The following NUCKS1 variants were observed in gnomAD, a reference collection of about 807,000 sequenced individuals.
NUCKS1 encodes the protein nuclear casein kinase and cyclin dependent kinase substrate 1.
NUCKS1 carries 2 observed loss-of-function variants against 33.0 expected under a neutral mutation model. The observed-to-expected ratio is 0.06, with a 90% CI of 0.02 to 0.19. NUCKS1 has a LOEUF of 0.19. Among genes scored for constraint, NUCKS1 ranks in the 10% least tolerant of loss-of-function variants. The pLI, the probability that NUCKS1 is intolerant of heterozygous loss-of-function variation, is 1.00. For synonymous variants in NUCKS1, 106 were observed against 102.8 expected (o/e 1.03, Z -0.19); for missense variants, 201 against 293.6 (o/e 0.68, Z 2.31).
At chr1:205,735,479 C>T (rs1373638437) in intron 1 of NUCKS1, among the ~76,000 whole-genome samples, 2 of 152,210 alleles carry the variant, frequency 1.3e-5, no homozygotes, top group African/African-American at 4.8e-5. Flanking sequence ...CAAAGCTAAA[C>T]TAACTCTTCA....
At chr1:205,730,354 AT>A (rs965323880) in intron 1 of NUCKS1, among the ~76,000 whole-genome samples, 4 of 151,316 alleles carry the variant, frequency 2.6e-5, no homozygotes, top group African/African-American at 9.7e-5. Context: ...GCCAAAAATT[AT>A]TTTTTAAAGG....
At chr1:205,733,820 T>A (rs2102440553) in intron 1 of NUCKS1, among the ~76,000 whole-genome samples, 1 of 152,196 alleles carries the variant, frequency 6.6e-6, no homozygotes, top group Non-Finnish European at 1.5e-5. Flanking sequence ...CCTGTATATC[T>A]ATCTGTATCT....
intron 1 of NUCKS1, among the ~76,000 whole-genome samples, chr1:205,746,453 TCACACA>T (rs1216661558): frequency 6.4e-5 from 8 of 124,572 alleles, no homozygotes; most frequent in African/African-American, 2.5e-4. Flanking sequence ...TCTCTCTCTC[TCACACA>T]CACACACACA....
At chr1:205,737,796 T>C (rs181162912) in intron 1 of NUCKS1, among the ~76,000 whole-genome samples, 2 of 152,370 alleles carry the variant, frequency 1.3e-5, no homozygotes, top group African/African-American at 4.8e-5. Flanking sequence ...TTTAAAAGTA[T>C]ACATTTGTCT....
chr1:205,733,867 C>T (rs1209546828), intron 1 of NUCKS1, among the ~76,000 whole-genome samples: 5 of 151,896 alleles, frequency 3.3e-5, no homozygotes, highest in African/African-American at 7.3e-5. Flanking sequence ...TCCATCTGTC[C>T]GTCCACCCAT....
In NUCKS1 at chr1:205,716,609, T is replaced by TA. The variant is rs888185829; in HGVS notation, c.*1670dup. 4.3e-4 allele frequency: 65 copies of TA among 152,118 alleles called. No homozygotes were observed. The highest frequency in any genetic ancestry group is 1.4e-3 in the African/African-American group (60 of 41,436). 9.4% of individuals were successfully genotyped at this position (152,118 alleles called of 1,614,324 possible). A position where few individuals can be genotyped will look rare whatever the true frequency, so the allele number is the denominator to read the frequency against. On this transcript the variant is annotated 3_prime_UTR_variant, in exon 7 of 7. Transcript: ENST00000367142. ...AATGACTCTGCCACTGTGTGTTTTT[T>TA]AAAAAAAGATCAGAGTAAGCATGTT... is the stretch of plus-strand genomic sequence containing the variant.
intron 3 of NUCKS1, 120 bp from the exon 4 acceptor site, chr1:205,724,101 C>T: frequency 2.5e-6 from 2 of 791,848 alleles, no homozygotes; most frequent in South Asian, 2.7e-5. Context: ...ATAAAATCTT[C>T]AAACAAATGC....
intron 1 of NUCKS1, among the ~76,000 whole-genome samples, chr1:205,748,132 T>A (rs1471655256): frequency 6.6e-6 from 1 of 152,132 alleles, no homozygotes; most frequent in Non-Finnish European, 1.5e-5. Flanking sequence ...AAAAAACTGA[T>A]AGAATGTGCT....
Position 205,727,750 on chromosome 1 carries a change from G to A in NUCKS1, c.123C>T (p.Pro41=). Residue 41 remains proline (P), a synonymous_variant, in exon 3 of 7, where the codon CCC becomes CCT. Transcript: ENST00000367142. ...GPPTKKIRSS[P]REAKNKRRSG... The stretch of plus-strand genomic sequence containing the variant: ...ATCGCCTCTTATTTTTAGCTTCTCG[G>A]GGAGATGATCGAATTTTCTTAGTGG... 1 of 1,613,452 alleles carries A rather than the reference G, an allele frequency of 6.2e-7. No homozygotes were observed. The highest frequency in any genetic ancestry group is 1.1e-5 in the South Asian group (1 of 91,050).
rs1266859381 is a variant in NUCKS1 at position 205,714,488 on chromosome 1, T to C, written c.*3792A>G. 2.0e-5 allele frequency: 3 copies of C among 151,622 alleles called. No individual in the cohort carries two copies. Among genetic ancestry groups the C allele is most frequent in the Non-Finnish European group, 4.4e-5 (3 of 67,732 alleles). The allele number at this position is 151,622 out of a possible 1,614,324, so 9.4% of individuals were successfully genotyped here. On this transcript the variant is annotated 3_prime_UTR_variant, in exon 7 of 7. Coordinates refer to ENST00000367142, the MANE Select transcript of NUCKS1 (RefSeq NM_022731.5). ...TACACAGTCAGCACCACTGTGAATTTTGTGAATTTGAAAAAAAAAAGTGTA... is the reference window on the plus strand; with the variant it reads ...TACACAGTCAGCACCACTGTGAATTCTGTGAATTTGAAAAAAAAAAGTGTA...
chr1:205,746,453 T>TCTCA (rs1491545867), intron 1 of NUCKS1, among the ~76,000 whole-genome samples: 57 of 124,572 alleles, frequency 4.6e-4, no homozygotes, highest in African/African-American at 1.7e-3. Flanking sequence ...TCTCTCTCTC[T>TCTCA]CACACACACA....
At chr1:205,749,410 G>T (rs1571595093) in intron 1 of NUCKS1, among the ~76,000 whole-genome samples, 1 of 152,206 alleles carries the variant, frequency 6.6e-6, no homozygotes, top group Non-Finnish European at 1.5e-5. Context: ...AAGGACAGAG[G>T]CGGGGCCGGT....
At chr1:205,740,446 C>T (rs1046455426) in intron 1 of NUCKS1, among the ~76,000 whole-genome samples, 5 of 151,862 alleles carry the variant, frequency 3.3e-5, no homozygotes, top group African/African-American at 1.2e-4. Context: ...ACAGCAATAA[C>T]CTGTCTCTTC....
intron 3 of NUCKS1, among the ~76,000 whole-genome samples, chr1:205,726,536 G>T (rs1467648296): frequency 6.6e-6 from 1 of 152,188 alleles, no homozygotes; most frequent in Non-Finnish European, 1.5e-5. Context: ...ATTTAATAAT[G>T]ATTTTGGTGC....
chr1:205,743,687 T>C (rs1654238799), intron 1 of NUCKS1, among the ~76,000 whole-genome samples: 1 of 152,216 alleles, frequency 6.6e-6, no homozygotes, highest in African/African-American at 2.4e-5. Context: ...TGATAGGCTC[T>C]TGGAAAGTGG....
chr1:205,747,541 C>T lies in NUCKS1; in HGVS notation c.17+2416G>A, dbSNP rs2298143. Among the ~76,000 whole-genome samples the T allele has an allele frequency of 3.9e-4, 59 of 152,236 alleles. No homozygotes were observed. In the East Asian group the frequency reaches 0.011, roughly 27 times the overall value. Reference sequence around the variant, plus strand: ...TGCTAAGGTGCCATAGGTACATTTCCAAATGCTCTTAAAATGTTTAGGTTC... The same window carrying T: ...TGCTAAGGTGCCATAGGTACATTTCTAAATGCTCTTAAAATGTTTAGGTTC... On this transcript the variant is annotated intron_variant, in intron 1 of 6. Coordinates refer to ENST00000367142, the MANE Select transcript of NUCKS1 (RefSeq NM_022731.5).
chr1:205,746,925 G>A (rs1654346735), intron 1 of NUCKS1, among the ~76,000 whole-genome samples: 1 of 152,172 alleles, frequency 6.6e-6, no homozygotes, highest in Non-Finnish European at 1.5e-5. Context: ...CTTTCAATAA[G>A]GGAGGAGGAT....
intron 1 of NUCKS1, among the ~76,000 whole-genome samples, chr1:205,731,680 A>T (rs1653914876): frequency 6.6e-6 from 1 of 152,150 alleles, no homozygotes; most frequent in Non-Finnish European, 1.5e-5. Context: ...TCACGAGGTC[A>T]GGAGATTGAG....
At chr1:205,740,821 GTATA>G (rs10535162) in intron 1 of NUCKS1, among the ~76,000 whole-genome samples, 20 of 145,162 alleles carry the variant, frequency 1.4e-4, no homozygotes, top group Non-Finnish European at 2.0e-4. Context: ...CTCCTACTAA[GTATA>G]TATATATATA....
Sources: allele counts gnomAD v4.1 joint callset (sites outside exome capture counted in the v4.1 genomes callset), GRCh38; gene constraint gnomAD v4.1.1; transcripts MANE v1.5; gene names NCBI Gene and HGNC (gene_info 2026-07-23, HGNC 2026-07-21).